ATXN1: variants seen among roughly 807,000 people sequenced by gnomAD.
The protein encoded by ATXN1 is ataxin-1.
A neutral mutation model predicts 56.4 loss-of-function variants in ATXN1; 8 were observed. The ratio of observed to expected loss-of-function variants is 0.14; its 90% confidence interval spans 0.08 to 0.26. The LOEUF (loss-of-function observed/expected upper bound fraction) is 0.26, where lower values mean the gene tolerates loss of function less well. Among genes scored for constraint, ATXN1 ranks in the 10% least tolerant of loss-of-function variants. The pLI is 1.00. For synonymous variants in ATXN1, 514 were observed against 494.6 expected, an observed-to-expected ratio of 1.04 and a Z score of -0.52; for missense variants, 987 against 1,106.5, an observed-to-expected ratio of 0.89 and a Z score of 1.53.
intron 7 of ATXN1, among the ~76,000 whole-genome samples, chr6:16,320,866 C>T (rs1055976717): frequency 5.9e-5 from 9 of 152,174 alleles, no homozygotes; most frequent in African/African-American, 1.9e-4. Context: ...CGGCCACTCG[C>T]GGGATTCCAC....
intron 4 of ATXN1, among the ~76,000 whole-genome samples, chr6:16,549,031 C>T (rs1249495716): frequency 1.3e-5 from 2 of 152,212 alleles, no homozygotes; most frequent in Non-Finnish European, 2.9e-5. Flanking sequence ...TCTACCTCCA[C>T]ATCTTGTCCC....
chr6:16,743,440 T>C (rs1343438477), intron 2 of ATXN1, among the ~76,000 whole-genome samples: 1 of 152,240 alleles, frequency 6.6e-6, no homozygotes, highest in Non-Finnish European at 1.5e-5. Context: ...GACCCCATGC[T>C]GGTTCCTGAC....
At chr6:16,360,277 G>T (rs1363805689) in intron 6 of ATXN1, among the ~76,000 whole-genome samples, 1 of 152,154 alleles carries the variant, frequency 6.6e-6, no homozygotes, top group Non-Finnish European at 1.5e-5. Context: ...GGTCAGAGAT[G>T]ACTTCAAAGA....
chr6:16,566,364 T>TGCC, intron 4 of ATXN1, among the ~76,000 whole-genome samples: 1 of 152,114 alleles, frequency 6.6e-6, no homozygotes, highest in South Asian at 2.1e-4. Flanking sequence ...TCCCCTTAAT[T>TGCC]AATAATTTTT....
chr6:16,352,009 G>A (rs1270243811), intron 6 of ATXN1, among the ~76,000 whole-genome samples: 1 of 152,190 alleles, frequency 6.6e-6, no homozygotes, highest in African/African-American at 2.4e-5. Flanking sequence ...ACATCTGAGT[G>A]TTAAGTAGAT....
chr6:16,483,893 T>C (rs1760488174), intron 6 of ATXN1, among the ~76,000 whole-genome samples: 1 of 152,194 alleles, frequency 6.6e-6, no homozygotes. Context: ...ACTTGTTTCC[T>C]AGGATAAAAA....
intron 2 of ATXN1, among the ~76,000 whole-genome samples, chr6:16,710,827 A>G (rs577405427): frequency 6.6e-6 from 1 of 152,192 alleles, no homozygotes; most frequent in South Asian, 2.1e-4. Context: ...AGCTCAAGCA[A>G]TCTTTCTGCC....
chr6:16,693,655 T>G (rs949869529), intron 2 of ATXN1, among the ~76,000 whole-genome samples: 1 of 152,136 alleles, frequency 6.6e-6, no homozygotes, highest in Non-Finnish European at 1.5e-5. Flanking sequence ...ACACCCACCG[T>G]GAGAACATAA....
chr6:16,525,891 T>A (rs1168813538), intron 4 of ATXN1, among the ~76,000 whole-genome samples: 4 of 151,602 alleles, frequency 2.6e-5, no homozygotes, highest in African/African-American at 4.8e-5. Context: ...GTTCACTGTA[T>A]AATAATTAGA....
At chr6:16,742,603 G>A (rs143076837) in intron 2 of ATXN1, among the ~76,000 whole-genome samples, 12 of 152,184 alleles carry the variant, frequency 7.9e-5, no homozygotes, top group African/African-American at 2.2e-4. Context: ...ACATATGGTC[G>A]CTCACACCAT....
Position 16,579,920 on chromosome 6 carries a change from C to CA in ATXN1, c.-361+5859dup, listed in dbSNP as rs796095665. ...GAGGGACAGCATATAATTGCCAACT[C>CA]AAAAAAAAACTACCTTCCCAAATTT... On this transcript the variant is annotated intron_variant, in intron 4 of 7. Transcript: ENST00000436367. Among the ~76,000 whole-genome samples the CA allele has an allele frequency of 4.3e-3, 647 of 149,766 alleles. 5 individuals carry two copies. The highest frequency in any genetic ancestry group is 0.014 in the African/African-American group (566 of 40,846).
chr6:16,596,125 G>C (rs1007434867), intron 3 of ATXN1, among the ~76,000 whole-genome samples: 4 of 152,080 alleles, frequency 2.6e-5, no homozygotes, highest in African/African-American at 9.7e-5. Context: ...GCCTCCAGAG[G>C]AGCTGGGACT....
intron 6 of ATXN1, among the ~76,000 whole-genome samples, chr6:16,397,452 T>C (rs1340926016): frequency 2.0e-5 from 3 of 152,044 alleles, no homozygotes; most frequent in Non-Finnish European, 4.4e-5. Context: ...TTAGTAGAGA[T>C]GGGGTTTCAC....
chr6:16,666,247 T>C (rs982353540), intron 2 of ATXN1, among the ~76,000 whole-genome samples: 1 of 152,246 alleles, frequency 6.6e-6, no homozygotes, highest in Non-Finnish European at 1.5e-5. Flanking sequence ...TTTGTCTTTC[T>C]GTGCCTGGCT....
At chr6:16,710,076 G>A (rs1759490289) in intron 2 of ATXN1, among the ~76,000 whole-genome samples, 1 of 151,996 alleles carries the variant, frequency 6.6e-6, no homozygotes, top group Non-Finnish European at 1.5e-5. Flanking sequence ...CCAATAAAAG[G>A]CAAATGAAAA....
At chr6:16,644,929 CA>C (rs1763775870) in intron 3 of ATXN1, among the ~76,000 whole-genome samples, 1 of 152,154 alleles carries the variant, frequency 6.6e-6, no homozygotes, top group Non-Finnish European at 1.5e-5. Context: ...AACGGTAGAT[CA>C]TTTTTGTAGA....
At chr6:16,737,177 C>T (rs1369804246) in intron 2 of ATXN1, 1 of 152,192 alleles carries the variant, frequency 6.6e-6, no homozygotes, top group Non-Finnish European at 1.5e-5. Context: ...GAAGTACAGA[C>T]GTTTCTGCCA....
intron 6 of ATXN1, among the ~76,000 whole-genome samples, chr6:16,347,774 C>T (rs1761451076): frequency 6.6e-6 from 1 of 152,210 alleles, no homozygotes; most frequent in Non-Finnish European, 1.5e-5. Flanking sequence ...TAAAATGGAC[C>T]AATCAGCAGA....
chr6:16,723,920 T>C (rs1163883526), intron 2 of ATXN1, among the ~76,000 whole-genome samples: 1 of 152,208 alleles, frequency 6.6e-6, no homozygotes, highest in Non-Finnish European at 1.5e-5. Context: ...GACTGTGTTT[T>C]TTTAACATAA....
Sources: allele counts gnomAD v4.1 joint callset (sites outside exome capture counted in the v4.1 genomes callset), GRCh38; gene constraint gnomAD v4.1.1; transcripts MANE v1.5; gene names NCBI Gene and HGNC (gene_info 2026-07-23, HGNC 2026-07-21).